Variants in ARHGEF10 observed in about 807,000 individuals in gnomAD.
The protein encoded by ARHGEF10 is Rho guanine nucleotide exchange factor 10.
Under a neutral mutation model 147.4 loss-of-function variants are expected in ARHGEF10, and 140 were observed. The observed-to-expected ratio is 0.95, with a 90% CI of 0.83 to 1.09. ARHGEF10 has a LOEUF of 1.09. ARHGEF10 is among the 50% of genes least tolerant of loss of function. The probability of loss-of-function intolerance (pLI) is 0.00; values close to 1 mark genes in which losing one functional copy is unlikely to be tolerated. For synonymous variants in ARHGEF10, 902 were observed against 695.8 expected (o/e 1.30, Z -4.67); for missense variants, 2,222 against 1,752.7 (o/e 1.27, Z -4.78).
At chr8:1,906,013 A>C (rs1288054517) in intron 17 of ARHGEF10, among the ~76,000 whole-genome samples, 1 of 152,222 alleles carries the variant, frequency 6.6e-6, no homozygotes, top group Non-Finnish European at 1.5e-5. Flanking sequence ...CTAAATCAAG[A>C]GTTCTTTTTC....
At chr8:1,946,343 G>A (rs1376860358) in intron 27 of ARHGEF10, among the ~76,000 whole-genome samples, 1 of 152,226 alleles carries the variant, frequency 6.6e-6, no homozygotes, top group Non-Finnish European at 1.5e-5. Flanking sequence ...CTGCCTCCGA[G>A]CCCTTCGGCT....
At chr8:1,908,528 G>A (rs558108097) in intron 17 of ARHGEF10, among the ~76,000 whole-genome samples, 21 of 152,180 alleles carry the variant, frequency 1.4e-4, no homozygotes, top group Middle Eastern at 3.4e-3. Context: ...CACCGCGCCC[G>A]GCCCACACTT....
chr8:1,882,194 G>A (rs1808258425), intron 9 of ARHGEF10, among the ~76,000 whole-genome samples: 1 of 152,354 alleles, frequency 6.6e-6, no homozygotes, highest in East Asian at 1.9e-4. Flanking sequence ...TGCGTGTGAG[G>A]CGGCCCTGTC....
chr8:1,835,120 G>A (rs1170614213), intron 1 of ARHGEF10, among the ~76,000 whole-genome samples: 1 of 152,252 alleles, frequency 6.6e-6, no homozygotes, highest in Admixed American at 6.5e-5. Flanking sequence ...ATTCTGTGGC[G>A]CAGACACAGG....
At chr8:1,947,221 A>T (rs1814661925) in intron 27 of ARHGEF10, among the ~76,000 whole-genome samples, 1 of 152,146 alleles carries the variant, frequency 6.6e-6, no homozygotes, top group Non-Finnish European at 1.5e-5. Context: ...ACACAAGGGG[A>T]GGTGAGGAGG....
Position 1,929,266 on chromosome 8 carries a change from C to T in ARHGEF10, c.2922-20C>T. Reference sequence around the variant, plus strand: ...TACAACGAGCAAATATATTTATTAGCTTGTATTTTTCTCTTAAAGCATTTC... The same window carrying T: ...TACAACGAGCAAATATATTTATTAGTTTGTATTTTTCTCTTAAAGCATTTC... On this transcript the variant is annotated intron_variant, in intron 24 of 28. Coordinates refer to ENST00000349830, the MANE Select transcript of ARHGEF10 (RefSeq NM_014629.4). 1 of 1,612,742 alleles carries T rather than the reference C, an allele frequency of 6.2e-7. No individual in the cohort carries two copies.
At chr8:1,833,119 G>GAC (rs1803337586) in intron 1 of ARHGEF10, among the ~76,000 whole-genome samples, 1 of 127,122 alleles carries the variant, frequency 7.9e-6, no homozygotes. Flanking sequence ...CAGAGGCAGA[G>GAC]AGAGACAGAG....
chr8:1,933,397 T>C (rs1273935536), intron 25 of ARHGEF10, among the ~76,000 whole-genome samples: 1 of 152,162 alleles, frequency 6.6e-6, no homozygotes, highest in African/African-American at 2.4e-5. Flanking sequence ...GTGTGCTGGG[T>C]ACTGTGCTGA....
chr8:1,945,086 A>G (rs1207373785), intron 26 of ARHGEF10, among the ~76,000 whole-genome samples: 6 of 152,236 alleles, frequency 3.9e-5, no homozygotes, highest in Non-Finnish European at 7.3e-5. Flanking sequence ...GTCAGGCTGC[A>G]GGCAGGCAGT....
chr8:1,951,001 C>G (rs1284594116), intron 27 of ARHGEF10, among the ~76,000 whole-genome samples: 11 of 152,332 alleles, frequency 7.2e-5, no homozygotes. Flanking sequence ...TCTCCCCTTC[C>G]CAGTATCTCA....
chr8:1,824,359 G>A (rs933967813), intron 1 of ARHGEF10, among the ~76,000 whole-genome samples: 1 of 151,998 alleles, frequency 6.6e-6, no homozygotes, highest in African/African-American at 2.4e-5. Flanking sequence ...GCAGGGACTG[G>A]CAGCAGGGAC....
In ARHGEF10 at chr8:1,903,281, G is replaced by A. The variant is rs201067899; in HGVS notation, c.1651G>A (p.Asp551Asn). Residue 551 changes from aspartate to asparagine, a missense_variant and splice_region_variant, in exon 16 of 29, where the codon GAC (aspartate) becomes AAC (asparagine). Coordinates refer to ENST00000349830, the MANE Select transcript of ARHGEF10 (RefSeq NM_014629.4). ...RFPQFILLLQ[D>N]MLKNTSKGHP... Reference sequence around the variant, plus strand: ...CCCACCTCTCCCCTGTTGCTTGTAGGACATGCTGAAGAACACCTCCAAAGG... The same window carrying A: ...CCCACCTCTCCCCTGTTGCTTGTAGAACATGCTGAAGAACACCTCCAAAGG... 8 of 1,614,062 alleles carry A rather than the reference G, an allele frequency of 5.0e-6. No individual in the cohort carries two copies. The Admixed American group carries it at 1.0e-4, about 20-fold the overall frequency.
intron 1 of ARHGEF10, among the ~76,000 whole-genome samples, chr8:1,827,459 C>A (rs190166667): frequency 6.6e-6 from 1 of 152,210 alleles, no homozygotes; most frequent in African/African-American, 2.4e-5. Flanking sequence ...TAAGCACCCA[C>A]CACCGTGCCC....
rs1225259584 is a variant in ARHGEF10 at position 1,846,234 on chromosome 8, T to C, written c.37+2798T>C. Among the ~76,000 whole-genome samples the C allele has an allele frequency of 3.3e-5, 5 of 152,268 alleles. No individual in the cohort carries two copies. The East Asian group carries it at 9.6e-4, about 29-fold the overall frequency. ...CCCCTGCCCTTGCTGACAGGCCACA[T>C]GACCTTGGTCTTTGATACAGAAAGC... On this transcript the variant is annotated intron_variant, in intron 2 of 28. Coordinates refer to ENST00000349830, the MANE Select transcript of ARHGEF10 (RefSeq NM_014629.4).
In ARHGEF10 at chr8:1,843,375, TGA is replaced by T. The variant is rs1344536755; in HGVS notation, c.-19_-18del. ...CAGGAGCTCCTTCCCTTAACAGAGC[TGA>T]GAGAGGCATCTGGAGCTGCAGCATG... On this transcript the variant is annotated 5_prime_UTR_variant, in exon 2 of 29. Coordinates refer to ENST00000349830, the MANE Select transcript of ARHGEF10 (RefSeq NM_014629.4). The T allele has an allele frequency of 6.2e-7, 1 of 1,612,936 alleles. No homozygotes were observed. The highest frequency in any genetic ancestry group is 1.7e-5 in the Admixed American group (1 of 60,018).
chr8:1,928,711 G>A, intron 24 of ARHGEF10, 61 bp downstream of exon 24: 1 of 1,574,472 alleles, frequency 6.4e-7, no homozygotes, highest in Middle Eastern at 2.1e-4. Flanking sequence ...GGGCGTGGTG[G>A]GGAGCCTGTC....
intron 6 of ARHGEF10, among the ~76,000 whole-genome samples, chr8:1,867,647 T>C (rs931869564): frequency 6.6e-6 from 1 of 152,256 alleles, no homozygotes; most frequent in Non-Finnish European, 1.5e-5. Context: ...TGGCCAGATC[T>C]GCAGTCCCAC....
At chr8:1,869,627 C>T (rs1172287797) in intron 7 of ARHGEF10, 2 of 345,166 alleles carry the variant, frequency 5.8e-6, no homozygotes, top group African/African-American at 4.2e-5. Context: ...ACTAAGAATT[C>T]TCTACAATTA....
chr8:1,888,189 T>TTGCGAGGAGACCCTGAGTGGGGTGAGGG (rs1563233846), intron 11 of ARHGEF10, among the ~76,000 whole-genome samples: 2 of 32,034 alleles, frequency 6.2e-5, no homozygotes, highest in African/African-American at 4.9e-4. Context: ...GGGGTGAGGG[T>TTGCGAGGAGACCCTGAGTGGGGTGAGGG]TTGCGAGGAG....
Sources: gnomAD v4.1 joint callset for allele counts (sites outside exome capture counted in the v4.1 genomes callset) on GRCh38, gnomAD v4.1.1 for gene constraint, MANE v1.5 for transcripts, NCBI Gene and HGNC (gene_info 2026-07-23, HGNC 2026-07-21) for gene names.